Variants in RTN4 observed in about 807,000 individuals in gnomAD.
The protein encoded by RTN4 is reticulon-4.
In RTN4, 32 loss-of-function variants were observed where a neutral mutation model predicts 90.4. That is an observed-to-expected ratio of 0.35 (90% CI 0.27 to 0.48). The LOEUF is 0.48. Among genes scored for constraint, RTN4 ranks in the 20% least tolerant of loss-of-function variants. The pLI is 0.99. For missense variants in RTN4, 1,706 were observed against 1,430.2 expected (o/e 1.19, Z -3.11); for synonymous variants, 629 against 552.5 (o/e 1.14, Z -1.94).
At chr2:55,006,889 C>T (rs1680267311) in intron 3 of RTN4, among the ~76,000 whole-genome samples, 1 of 152,078 alleles carries the variant, frequency 6.6e-6, no homozygotes, top group South Asian at 2.1e-4. Flanking sequence ...CTCCATAACG[C>T]AGGTTTTAGG....
At chr2:55,021,988 C>T (rs900737085) in intron 3 of RTN4, among the ~76,000 whole-genome samples, 1 of 152,148 alleles carries the variant, frequency 6.6e-6, no homozygotes, top group Non-Finnish European at 1.5e-5. Flanking sequence ...AAAGAGAATG[C>T]CCAAGCATTG....
At chr2:54,982,003 G>T (rs1007356140) in intron 5 of RTN4, among the ~76,000 whole-genome samples, 2 of 152,026 alleles carry the variant, frequency 1.3e-5, no homozygotes, top group South Asian at 4.2e-4. Context: ...TGCCCAGGCT[G>T]GAATGCAATG....
At chr2:55,130,185 G>T in the RTN4 span, among the ~76,000 whole-genome samples, 742 of 152,320 alleles carry the variant, frequency 4.9e-3, 8 homozygotes, top group African/African-American at 0.017. Context: ...GAAAGACTAC[G>T]TTGTTCACTG....
chr2:54,981,131 C>G (rs1678084141), intron 5 of RTN4, among the ~76,000 whole-genome samples: 1 of 152,022 alleles, frequency 6.6e-6, no homozygotes, highest in East Asian at 1.9e-4. Context: ...CATTATTTAC[C>G]CTTGATGTTA....
chr2:55,028,240 T>C lies in RTN4; in HGVS notation c.557-20A>G. 1.2e-6 allele frequency: 2 copies of C among 1,605,720 alleles called. No individual in the cohort carries two copies. Among genetic ancestry groups the C allele is most frequent in the Non-Finnish European group, 1.7e-6 (2 of 1,174,368 alleles). The stretch of plus-strand genomic sequence containing the variant: ...TCTCATCTGAAAAACAAATAGAATA[T>C]AACCTCAGCAGAAATAAAGACAGAT... On this transcript the variant is annotated intron_variant, in intron 1 of 8. Coordinates refer to ENST00000337526, the MANE Select transcript of RTN4 (RefSeq NM_020532.5).
chr2:54,976,598 G>C lies in RTN4; in HGVS notation c.3361-1834C>G, dbSNP rs193020964. Among the ~76,000 whole-genome samples, 36 of 152,306 alleles carry C rather than the reference G, an allele frequency of 2.4e-4. 2 individuals carry two copies. The East Asian group carries it at 2.7e-3, about 11-fold the overall frequency. Reference sequence around the variant, plus strand: ...AATTTTTAAATGTTGCAGCTATGTTGAGAAAACTGAATACTTCGGCGGCCC... The same window carrying C: ...AATTTTTAAATGTTGCAGCTATGTTCAGAAAACTGAATACTTCGGCGGCCC... On this transcript the variant is annotated intron_variant, in intron 5 of 8. Transcript: ENST00000337526.
At chr2:55,012,604 A>G (rs961382966) in intron 3 of RTN4, among the ~76,000 whole-genome samples, 2 of 152,198 alleles carry the variant, frequency 1.3e-5, no homozygotes, top group Non-Finnish European at 2.9e-5. Flanking sequence ...AATCTCTACT[A>G]AAAATAGAAG....
chr2:55,033,786 C>T (rs778213432), intron 1 of RTN4, among the ~76,000 whole-genome samples: 2 of 152,026 alleles, frequency 1.3e-5, no homozygotes, highest in Non-Finnish European at 2.9e-5. Flanking sequence ...TTTGGTAGTA[C>T]ATATGATATT....
upstream of RTN4, among the ~76,000 whole-genome samples, chr2:55,115,802 T>C (rs1472264780): frequency 6.6e-6 from 1 of 152,210 alleles, no homozygotes; most frequent in Non-Finnish European, 1.5e-5. Context: ...GGCTCAAAGT[T>C]AAAGTCACCA....
intron 1 of RTN4, among the ~76,000 whole-genome samples, chr2:55,092,507 T>C (rs2968806): frequency 0.52 from 78,505 of 151,978 alleles, 20,773 homozygotes; most frequent in East Asian, 0.74. Context: ...GTGCTGGGAT[T>C]ACAGGCGTGA....
In RTN4 at chr2:54,977,109, C is replaced by T. The variant is rs566871442; in HGVS notation, c.3361-2345G>A. Among the ~76,000 whole-genome samples, 341 of 151,900 alleles carry T rather than the reference C, an allele frequency of 2.2e-3. 3 individuals carry two copies. The highest frequency in any genetic ancestry group is 4.2e-3 in the Non-Finnish European group (283 of 67,860). The stretch of plus-strand genomic sequence containing the variant: ...GGGGAAGGGGTATCTTTAAGGCAAA[C>T]GGTGGGAGAGTGCTTAGTAAGATCT... On this transcript the variant is annotated intron_variant, in intron 5 of 8. Transcript: ENST00000337526.
intron 1 of RTN4, among the ~76,000 whole-genome samples, chr2:55,103,126 G>C (rs1426062250): frequency 7.3e-6 from 1 of 136,266 alleles, no homozygotes; most frequent in Non-Finnish European, 1.6e-5. Context: ...AAAAAAAAAA[G>C]GAAGTATATT....
At chr2:55,096,268 G>A (rs1669032148) in intron 1 of RTN4, among the ~76,000 whole-genome samples, 1 of 151,926 alleles carries the variant, frequency 6.6e-6, no homozygotes, top group Non-Finnish European at 1.5e-5. Context: ...GGAGGTTGCT[G>A]TGAGCCAATA....
At chr2:55,047,590 G>C (rs1037706392) in intron 1 of RTN4, among the ~76,000 whole-genome samples, 11 of 151,198 alleles carry the variant, frequency 7.3e-5, no homozygotes, top group African/African-American at 9.7e-5. Context: ...AAAAAAATCA[G>C]ACTGATTTTC....
intron 1 of RTN4, chr2:55,049,517 G>C: frequency 1.5e-6 from 1 of 689,638 alleles, no homozygotes; most frequent in Non-Finnish European, 2.5e-6. Context: ...CGGGAGCGGT[G>C]CACGTGTTCC....
chr2:55,045,857 A>C (rs1683386274), intron 1 of RTN4, among the ~76,000 whole-genome samples: 1 of 152,154 alleles, frequency 6.6e-6, no homozygotes, highest in South Asian at 2.1e-4. Flanking sequence ...AGTCACCCTT[A>C]ATTATGTTTG....
intron 3 of RTN4, among the ~76,000 whole-genome samples, chr2:54,999,918 G>A (rs1452424540): frequency 6.6e-6 from 1 of 152,144 alleles, no homozygotes; most frequent in Non-Finnish European, 1.5e-5. Context: ...AGGACCTTAA[G>A]TCCTATTTCT....
chr2:55,006,699 T>C (rs1297740272), intron 3 of RTN4, among the ~76,000 whole-genome samples: 1 of 152,154 alleles, frequency 6.6e-6, no homozygotes. Flanking sequence ...AAGAACAGTG[T>C]TGCACCTACT....
intron 1 of RTN4, among the ~76,000 whole-genome samples, chr2:55,081,356 T>C (rs536296774): frequency 6.6e-6 from 1 of 152,154 alleles, no homozygotes; most frequent in South Asian, 2.1e-4. Flanking sequence ...GGATTACAGG[T>C]ATGAGCCACC....
Sources: gnomAD v4.1 joint callset for allele counts (sites outside exome capture counted in the v4.1 genomes callset) on GRCh38, gnomAD v4.1.1 for gene constraint, MANE v1.5 for transcripts, NCBI Gene and HGNC (gene_info 2026-07-23, HGNC 2026-07-21) for gene names.